The following C8orf34 variants were observed in gnomAD, a reference collection of about 807,000 sequenced individuals.
C8orf34 encodes the protein chromosome 8 open reading frame 34.
In C8orf34, 65 loss-of-function variants were observed where a neutral mutation model predicts 68.3. The observed-to-expected ratio is 0.95, with a 90% confidence interval of 0.78 to 1.17. The LOEUF is 1.17. Ranked by LOEUF, C8orf34 falls within the 50% of genes most tolerant of loss-of-function variation. The pLI is 0.00. For missense variants in C8orf34, 664 were observed against 655.4 expected (o/e 1.01, Z -0.14); for synonymous variants, 244 against 241.2 (o/e 1.01, Z -0.11).
In C8orf34 at chr8:68,498,176, A is replaced by G. The variant is rs112473866; in HGVS notation, c.765+10125A>G. ...AAACAACAATAGCAAAACCTGCCCT[A>G]TTGTAAAATACACACACCCACATGC... On this transcript the variant is annotated intron_variant, in intron 5 of 13. Coordinates refer to ENST00000518698, the MANE Select transcript of C8orf34 (RefSeq NM_052958.4). Among the ~76,000 whole-genome samples, 1,285 of 152,292 alleles carry G rather than the reference A, an allele frequency of 8.4e-3. 26 individuals are homozygous for G. Among genetic ancestry groups the G allele is most frequent in the African/African-American group, 0.029 (1,200 of 41,556 alleles).
chr8:68,769,601 C>A (rs995042397), intron 10 of C8orf34, among the ~76,000 whole-genome samples: 1 of 152,102 alleles, frequency 6.6e-6, no homozygotes, highest in South Asian at 2.1e-4. Context: ...GAGTTTATTG[C>A]ACATTCAGCA....
intron 1 of C8orf34, 153 bp downstream of exon 1, chr8:68,331,492 T>C (rs1424631120): frequency 5.9e-6 from 5 of 842,954 alleles, no homozygotes; most frequent in South Asian, 4.5e-5. Context: ...TGGCATTCGC[T>C]CTGTCCCGGC....
At position 68,393,178 on chromosome 8, in the gene C8orf34, G is replaced by C. The variant is rs550477928; in HGVS notation, c.328-46321G>C. Among the ~76,000 whole-genome samples, 3 of 152,152 alleles carry C rather than the reference G, an allele frequency of 2.0e-5. No homozygotes were observed. In the South Asian group the frequency reaches 6.2e-4, roughly 32 times the overall value. On this transcript the variant is annotated intron_variant, in intron 1 of 13. Coordinates refer to ENST00000518698, the MANE Select transcript of C8orf34 (RefSeq NM_052958.4). Reference sequence around the variant, plus strand: ...TCAAGTCTAGATGGTCTGAAACCAGGGGAGAGTTTTAATCTGTGAGACTAT... The same window carrying C: ...TCAAGTCTAGATGGTCTGAAACCAGCGGAGAGTTTTAATCTGTGAGACTAT...
intron 12 of C8orf34, chr8:68,792,436 G>C (rs1438451766): frequency 6.6e-6 from 1 of 151,708 alleles, no homozygotes; most frequent in African/African-American, 2.4e-5. Context: ...GTCGGGCGTG[G>C]TGGCACACGC....
chr8:68,731,009 GA>G (rs1309300846), intron 10 of C8orf34, among the ~76,000 whole-genome samples: 1 of 152,028 alleles, frequency 6.6e-6, no homozygotes, highest in Non-Finnish European at 1.5e-5. Context: ...GGGCTGAAGA[GA>G]AAAAAAGTAA....
chr8:68,630,945 A>ATTT (rs36031699), intron 7 of C8orf34, among the ~76,000 whole-genome samples: 9,816 of 118,146 alleles, frequency 0.083, 809 homozygotes, highest in African/African-American at 0.19. Context: ...ATGCCCAGCT[A>ATTT]TTTTTTTTTT....
chr8:68,808,736 T>C (rs1824559097), intron 12 of C8orf34, among the ~76,000 whole-genome samples: 1 of 152,118 alleles, frequency 6.6e-6, no homozygotes, highest in African/African-American at 2.4e-5. Context: ...ACTGTGCCAT[T>C]TTTTATAAGG....
At chr8:68,663,890 G>C (rs1410616961) in intron 8 of C8orf34, among the ~76,000 whole-genome samples, 1 of 152,188 alleles carries the variant, frequency 6.6e-6, no homozygotes, top group Non-Finnish European at 1.5e-5. Flanking sequence ...TAGAGACAAA[G>C]TGTTTGGGGC....
intron 10 of C8orf34, among the ~76,000 whole-genome samples, chr8:68,749,654 C>A (rs1822640338): frequency 6.6e-6 from 1 of 152,118 alleles, no homozygotes; most frequent in Admixed American, 6.6e-5. Context: ...TGTTCCTATA[C>A]ATTTGCCTAT....
chr8:68,542,031 TG>T (rs1815719778), intron 7 of C8orf34, among the ~76,000 whole-genome samples: 1 of 152,224 alleles, frequency 6.6e-6, no homozygotes, highest in Admixed American at 6.5e-5. Context: ...ATTGCAGTTT[TG>T]CCACTACTTT....
At chr8:68,627,913 G>A (rs990910644) in intron 7 of C8orf34, among the ~76,000 whole-genome samples, 6 of 152,104 alleles carry the variant, frequency 3.9e-5, no homozygotes, top group African/African-American at 1.4e-4. Context: ...GAACTGGTAA[G>A]TAACAAAGAA....
At chr8:68,705,844 G>A (rs1006828510) in intron 8 of C8orf34, among the ~76,000 whole-genome samples, 10 of 152,084 alleles carry the variant, frequency 6.6e-5, no homozygotes, top group Non-Finnish European at 1.0e-4. Flanking sequence ...GGATAAAATA[G>A]GTTGATGAGA....
In C8orf34 at chr8:68,767,189, C is replaced by CT. The variant is rs975287405; in HGVS notation, c.1405-9209dup. Among the ~76,000 whole-genome samples the CT allele has an allele frequency of 5.9e-5, 9 of 152,296 alleles. 1 individual carries two copies. The Middle Eastern group carries it at 0.024, about 403-fold the overall frequency. ...CCAGCCTAGGCAACAGAGCAAGACT[C>CT]TGTCTCCAAATAAATAAATAAATAA... On this transcript the variant is annotated intron_variant, in intron 10 of 13. Coordinates refer to ENST00000518698, the MANE Select transcript of C8orf34 (RefSeq NM_052958.4).
At chr8:68,794,506 T>TATATATATATATATACA (rs58048066) in intron 12 of C8orf34, among the ~76,000 whole-genome samples, 44 of 58,958 alleles carry the variant, frequency 7.5e-4, no homozygotes, top group African/African-American at 2.6e-3. Flanking sequence ...TATATATATA[T>TATATATATATATATACA]TTTTTTTTTT....
intron 7 of C8orf34, among the ~76,000 whole-genome samples, chr8:68,572,190 A>G (rs1432492927): frequency 1.3e-5 from 2 of 151,894 alleles, no homozygotes; most frequent in Admixed American, 6.6e-5. Flanking sequence ...TATATGGTCT[A>G]TTGCTGACTG....
At chr8:68,761,721 C>T (rs113234426) in intron 10 of C8orf34, among the ~76,000 whole-genome samples, 2,206 of 152,278 alleles carry the variant, frequency 0.014, 49 homozygotes, top group African/African-American at 0.047. Flanking sequence ...CTGGAGAAGT[C>T]TGCTGTACCT....
At chr8:68,527,232 C>G (rs560054147) in intron 6 of C8orf34, among the ~76,000 whole-genome samples, 5 of 152,256 alleles carry the variant, frequency 3.3e-5, no homozygotes, top group Admixed American at 6.5e-5. Context: ...AGAGGCTGCT[C>G]TATGTGCTTT....
intron 1 of C8orf34, among the ~76,000 whole-genome samples, chr8:68,357,815 C>A (rs971668242): frequency 6.6e-6 from 1 of 152,166 alleles, no homozygotes; most frequent in South Asian, 2.1e-4. Flanking sequence ...ATGAGAACTA[C>A]TGCATAATTT....
chr8:68,604,731 T>C (rs1250285327), intron 7 of C8orf34, among the ~76,000 whole-genome samples: 1 of 152,062 alleles, frequency 6.6e-6, no homozygotes, highest in Non-Finnish European at 1.5e-5. Context: ...GAGACCTAAA[T>C]GTAAAAGGCA....
Sources: allele counts gnomAD v4.1 joint callset (sites outside exome capture counted in the v4.1 genomes callset), GRCh38; gene constraint gnomAD v4.1.1; transcripts MANE v1.5; gene names NCBI Gene and HGNC (gene_info 2026-07-23, HGNC 2026-07-21).